MEIS2: variants seen among roughly 807,000 people sequenced by gnomAD.
MEIS2 encodes the protein Meis homeobox 2.
Under a neutral mutation model 58.6 loss-of-function variants are expected in MEIS2, and 9 were observed. That is an observed-to-expected ratio of 0.15 (90% CI 0.09 to 0.27). The LOEUF is 0.27. Among genes scored for constraint, MEIS2 ranks in the 10% least tolerant of loss-of-function variants. The probability of loss-of-function intolerance (pLI) is 1.00; values close to 1 mark genes in which losing one functional copy is unlikely to be tolerated. For synonymous variants in MEIS2, 221 were observed against 228.4 expected, an observed-to-expected ratio of 0.97 and a Z score of 0.29; for missense variants, 427 against 635.0, an observed-to-expected ratio of 0.67 and a Z score of 3.52.
intron 7 of MEIS2, among the ~76,000 whole-genome samples, chr15:37,071,504 C>G (rs556000118): frequency 1.3e-5 from 2 of 152,162 alleles, no homozygotes; most frequent in African/African-American, 4.8e-5. Flanking sequence ...AGTTCTTCAT[C>G]ATGATGTTTG....
intron 8 of MEIS2, among the ~76,000 whole-genome samples, chr15:37,012,959 T>C (rs1405018126): frequency 6.6e-6 from 1 of 152,154 alleles, no homozygotes; most frequent in Non-Finnish European, 1.5e-5. Flanking sequence ...CCCTAAAAGC[T>C]TGACAGTATT....
chr15:36,894,543 A>G, intron 11 of MEIS2: 1 of 499,978 alleles, frequency 2.0e-6, no homozygotes. Context: ...TCAAAAGTGC[A>G]CATCAGTGTC....
At chr15:37,100,768 G>A (rs1362345549), upstream of MEIS2, 1 of 151,904 alleles carries the variant, frequency 6.6e-6, no homozygotes, top group East Asian at 2.0e-4. Flanking sequence ...GCGCGAACAG[G>A]GAGAGAGGGA....
At chr15:36,903,515 C>A (rs1595685838) in intron 9 of MEIS2, among the ~76,000 whole-genome samples, 1 of 152,200 alleles carries the variant, frequency 6.6e-6, no homozygotes, top group South Asian at 2.1e-4. Context: ...ATCTGGATAC[C>A]TACACACCTT....
chr15:37,064,592 A>G (rs1411131474), intron 7 of MEIS2, among the ~76,000 whole-genome samples: 1 of 152,226 alleles, frequency 6.6e-6, no homozygotes, highest in Non-Finnish European at 1.5e-5. Flanking sequence ...TTTGATTTTC[A>G]TTAGTCAAAA....
At chr15:36,932,080 A>AT (rs1346346620) in intron 9 of MEIS2, among the ~76,000 whole-genome samples, 5 of 152,132 alleles carry the variant, frequency 3.3e-5, no homozygotes, top group Admixed American at 1.3e-4. Flanking sequence ...CATATACTAT[A>AT]TTTTTTTTAA....
chr15:37,043,349 G>A (rs2062513554), intron 7 of MEIS2, among the ~76,000 whole-genome samples: 1 of 152,102 alleles, frequency 6.6e-6, no homozygotes, highest in African/African-American at 2.4e-5. Context: ...TTTGCACAAT[G>A]TAAGTTCACT....
At chr15:36,943,765 G>A (rs1450618278) in intron 9 of MEIS2, among the ~76,000 whole-genome samples, 1 of 152,016 alleles carries the variant, frequency 6.6e-6, no homozygotes, top group East Asian at 1.9e-4. Context: ...TCTTTGCAGA[G>A]CAAAAGGGAA....
upstream of MEIS2, chr15:37,100,765 CAGGGAGAG>C: frequency 6.7e-6 from 1 of 148,452 alleles, no homozygotes; most frequent in East Asian, 2.0e-4. Context: ...CGCGCGCGAA[CAGGGAGAG>C]AGGGAGAGGG....
intron 8 of MEIS2, among the ~76,000 whole-genome samples, chr15:36,999,643 CT>C (rs141598617): frequency 0.026 from 4,000 of 152,244 alleles, 173 homozygotes; most frequent in African/African-American, 0.092. Context: ...CTCCTTTTCC[CT>C]GTAACCATTC....
chr15:37,015,886 G>A (rs906404495), intron 8 of MEIS2, among the ~76,000 whole-genome samples: 8 of 152,034 alleles, frequency 5.3e-5, no homozygotes, highest in Non-Finnish European at 1.0e-4. Context: ...TATATAGTAG[G>A]AGATGTGTAT....
At chr15:36,989,939 T>A (rs904580251) in intron 8 of MEIS2, among the ~76,000 whole-genome samples, 2 of 152,034 alleles carry the variant, frequency 1.3e-5, no homozygotes, top group East Asian at 3.9e-4. Context: ...CAGTTTTGTT[T>A]GTTTGTTTGT....
At chr15:37,019,956 TAA>T (rs1317681224) in intron 8 of MEIS2, among the ~76,000 whole-genome samples, 4 of 152,126 alleles carry the variant, frequency 2.6e-5, no homozygotes, top group Non-Finnish European at 5.9e-5. Context: ...AATAGTAATG[TAA>T]AGTGTGGCAT....
At chr15:37,014,957 C>A (rs1415753849) in intron 8 of MEIS2, among the ~76,000 whole-genome samples, 2 of 151,868 alleles carry the variant, frequency 1.3e-5, no homozygotes. Flanking sequence ...TCTTTTTAAT[C>A]ATAAAAGTAC....
intron 9 of MEIS2, among the ~76,000 whole-genome samples, chr15:36,944,074 G>A (rs1282125176): frequency 2.0e-5 from 3 of 152,044 alleles, no homozygotes; most frequent in African/African-American, 7.2e-5. Context: ...TCGGCTCAGT[G>A]TGGGAATTTC....
At chr15:37,088,712 A>G (rs544938920) in intron 6 of MEIS2, among the ~76,000 whole-genome samples, 9 of 152,266 alleles carry the variant, frequency 5.9e-5, no homozygotes, top group African/African-American at 1.7e-4. Flanking sequence ...TTAATATGTA[A>G]GCAACTCTCA....
chr15:37,042,337 T>C lies in MEIS2; in HGVS notation c.755-5378A>G, dbSNP rs58498958. Reference sequence around the variant, plus strand: ...CACAGGGATGTGGCCTTCTTTCTCCTTGTCTTATCAGAAAAACATTGCAAC... The same window carrying C: ...CACAGGGATGTGGCCTTCTTTCTCCCTGTCTTATCAGAAAAACATTGCAAC... On this transcript the variant is annotated intron_variant, in intron 7 of 11. Coordinates refer to ENST00000561208, the MANE Select transcript of MEIS2 (RefSeq NM_170675.5). Among the ~76,000 whole-genome samples, 1,086 of 152,262 alleles carry C rather than the reference T, an allele frequency of 7.1e-3. 16 individuals carry two copies. Among genetic ancestry groups the C allele is most frequent in the African/African-American group, 0.025 (1,028 of 41,562 alleles).
At chr15:37,004,136 T>C (rs150501746) in intron 8 of MEIS2, among the ~76,000 whole-genome samples, 1 of 152,326 alleles carries the variant, frequency 6.6e-6, no homozygotes, top group African/African-American at 2.4e-5. Flanking sequence ...CTTTAATTGT[T>C]GGTCATGCCT....
intron 8 of MEIS2, 131 bp downstream of exon 8, chr15:37,036,683 G>T: frequency 3.0e-6 from 3 of 1,013,770 alleles, no homozygotes; most frequent in Non-Finnish European, 4.1e-6. Flanking sequence ...ACTTTAACTA[G>T]TCTGTTAGTC....
Sources: allele counts gnomAD v4.1 joint callset (sites outside exome capture counted in the v4.1 genomes callset), GRCh38; gene constraint gnomAD v4.1.1; transcripts MANE v1.5; gene names NCBI Gene and HGNC (gene_info 2026-07-23, HGNC 2026-07-21).